The following CDC42SE2 variants were observed in gnomAD, a reference collection of about 807,000 sequenced individuals.
CDC42SE2 encodes CDC42 small effector protein 2.
Under a neutral mutation model 11.5 loss-of-function variants are expected in CDC42SE2, and 3 were observed. The ratio of observed to expected loss-of-function variants is 0.26; its 90% confidence interval spans 0.12 to 0.67. CDC42SE2 has a LOEUF of 0.67. Among genes scored for constraint, CDC42SE2 ranks in the 30% least tolerant of loss-of-function variants. The probability of loss-of-function intolerance (pLI) is 0.80; values close to 1 mark genes in which losing one functional copy is unlikely to be tolerated. For synonymous variants in CDC42SE2, 33 were observed against 34.8 expected (o/e 0.95, Z 0.18); for missense variants, 82 against 106.8 (o/e 0.77, Z 1.02).
chr5:131,313,204 C>A (rs1757968104), intron 1 of CDC42SE2, among the ~76,000 whole-genome samples: 1 of 151,882 alleles, frequency 6.6e-6, no homozygotes, highest in Non-Finnish European at 1.5e-5. Flanking sequence ...GGATGGTCTC[C>A]ATCTCCTGAC....
intron 4 of CDC42SE2, among the ~76,000 whole-genome samples, chr5:131,388,170 A>G (rs1188815080): frequency 1.3e-5 from 2 of 151,820 alleles, no homozygotes; most frequent in African/African-American, 4.8e-5. Flanking sequence ...AATTTTTTGT[A>G]TTTTTAGTAG....
intron 1 of CDC42SE2, among the ~76,000 whole-genome samples, chr5:131,303,356 A>G (rs1355238458): frequency 6.6e-6 from 1 of 152,256 alleles, no homozygotes; most frequent in Admixed American, 6.5e-5. Flanking sequence ...TTAAGTACTT[A>G]TTTTTCATTC....
At chr5:131,268,469 TGAGAC>T (rs1756918635) in intron 1 of CDC42SE2, among the ~76,000 whole-genome samples, 1 of 147,306 alleles carries the variant, frequency 6.8e-6, no homozygotes, top group Non-Finnish European at 1.5e-5. Flanking sequence ...TTTTTTTTTC[TGAGAC>T]GGAGTTTCAC....
Position 131,328,796 on chromosome 5 carries a change from G to A in CDC42SE2, c.-286+12652G>A, listed in dbSNP as rs147397955. Among the ~76,000 whole-genome samples the A allele has an allele frequency of 3.2e-3, 485 of 152,322 alleles. 3 individuals are homozygous for A. Among genetic ancestry groups the A allele is most frequent in the African/African-American group, 0.011 (464 of 41,564 alleles). Reference sequence around the variant, plus strand: ...TGTTAGGGAATTTATGTCCAGGTGAGTTTAAGGAAAGGAAGGACTTGGGAC... The same window carrying A: ...TGTTAGGGAATTTATGTCCAGGTGAATTTAAGGAAAGGAAGGACTTGGGAC... On this transcript the variant is annotated intron_variant, in intron 2 of 4. Coordinates refer to ENST00000505065, the MANE Select transcript of CDC42SE2 (RefSeq NM_001375635.1).
chr5:131,334,326 G>A (rs888207881), intron 2 of CDC42SE2, among the ~76,000 whole-genome samples: 4 of 152,196 alleles, frequency 2.6e-5, no homozygotes, highest in African/African-American at 9.7e-5. Context: ...ACTTGATCAT[G>A]GTTGATAAGC....
the CDC42SE2 span, among the ~76,000 whole-genome samples, chr5:131,234,946 T>C: frequency 2.7e-5 from 4 of 149,686 alleles, no homozygotes; most frequent in African/African-American, 7.5e-5. Flanking sequence ...TATAGTGCAG[T>C]GGCACGATCT....
intron 2 of CDC42SE2, among the ~76,000 whole-genome samples, chr5:131,356,628 T>C (rs913198003): frequency 6.6e-6 from 1 of 152,204 alleles, no homozygotes; most frequent in African/African-American, 2.4e-5. Flanking sequence ...ATAGAAGTTA[T>C]TGTACTTTAG....
chr5:131,258,372 A>C (rs534761863), intron 2 of CDC42SE2, among the ~76,000 whole-genome samples: 1 of 152,120 alleles, frequency 6.6e-6, no homozygotes, highest in Non-Finnish European at 1.5e-5. Flanking sequence ...AATTGGTATT[A>C]CTTGCCATAT....
intron 2 of CDC42SE2, among the ~76,000 whole-genome samples, chr5:131,257,743 T>C (rs1222635362): frequency 6.6e-6 from 1 of 151,978 alleles, no homozygotes; most frequent in East Asian, 1.9e-4. Context: ...CTCCCAGTGT[T>C]TTAGGATTAC....
At chr5:131,239,041 A>G in the CDC42SE2 span, among the ~76,000 whole-genome samples, 2 of 151,996 alleles carry the variant, frequency 1.3e-5, no homozygotes, top group African/African-American at 4.8e-5. Flanking sequence ...CTGTAATCCC[A>G]GCTACTCAGG....
At chr5:131,387,461 G>T (rs1750521321) in intron 4 of CDC42SE2, among the ~76,000 whole-genome samples, 1 of 152,110 alleles carries the variant, frequency 6.6e-6, no homozygotes, top group Non-Finnish European at 1.5e-5. Flanking sequence ...TGAGCGGGGA[G>T]GACTGCTTGA....
At chr5:131,338,252 G>T (rs1313385910) in intron 2 of CDC42SE2, among the ~76,000 whole-genome samples, 1 of 152,332 alleles carries the variant, frequency 6.6e-6, no homozygotes, top group African/African-American at 2.4e-5. Flanking sequence ...CAGTCCTGTG[G>T]TCTGATTCAT....
chr5:131,358,844 T>G (rs1749627639), intron 2 of CDC42SE2, among the ~76,000 whole-genome samples: 1 of 152,234 alleles, frequency 6.6e-6, no homozygotes, highest in Admixed American at 6.5e-5. Flanking sequence ...AGGACTCAAC[T>G]GAAGAAACCT....
At chr5:131,227,293 ATGCAG>A in the CDC42SE2 span, among the ~76,000 whole-genome samples, 1 of 152,120 alleles carries the variant, frequency 6.6e-6, no homozygotes. Context: ...TAATTACAAG[ATGCAG>A]TCTTATAAGG....
intron 1 of CDC42SE2, among the ~76,000 whole-genome samples, chr5:131,309,378 A>G (rs374270057): frequency 4.6e-5 from 7 of 152,116 alleles, no homozygotes; most frequent in Middle Eastern, 3.4e-3. Context: ...TTGCATCAAT[A>G]TTCATCAAGG....
chr5:131,220,595 T>C, the CDC42SE2 span, among the ~76,000 whole-genome samples: 1 of 152,190 alleles, frequency 6.6e-6, no homozygotes, highest in Admixed American at 6.5e-5. Flanking sequence ...CTTGATAGAA[T>C]ATTCCATTAT....
At chr5:131,352,273 A>G (rs1208408996) in intron 2 of CDC42SE2, among the ~76,000 whole-genome samples, 4 of 152,234 alleles carry the variant, frequency 2.6e-5, no homozygotes, top group African/African-American at 9.6e-5. Context: ...TTTAATAGCC[A>G]AAAAGCTGGA....
chr5:131,324,808 A>G (rs1318621441), intron 2 of CDC42SE2, among the ~76,000 whole-genome samples: 1 of 152,220 alleles, frequency 6.6e-6, no homozygotes, highest in East Asian at 1.9e-4. Flanking sequence ...TGTGAATTAT[A>G]TCCAAAATGT....
the CDC42SE2 span, among the ~76,000 whole-genome samples, chr5:131,228,358 C>G: frequency 2.0e-5 from 3 of 152,086 alleles, no homozygotes; most frequent in African/African-American, 7.2e-5. Context: ...CAGAGCAAGA[C>G]CTTGTCTCAA....
Sources: allele counts gnomAD v4.1 joint callset (sites outside exome capture counted in the v4.1 genomes callset), GRCh38; gene constraint gnomAD v4.1.1; transcripts MANE v1.5; gene names NCBI Gene and HGNC (gene_info 2026-07-23, HGNC 2026-07-21).